Variants in ITPA observed in about 807,000 individuals in gnomAD.
The protein encoded by ITPA is inosine triphosphate pyrophosphatase.
A neutral mutation model predicts 29.6 loss-of-function variants in ITPA; 29 were observed. The ratio of observed to expected loss-of-function variants is 0.98; its 90% CI spans 0.73 to 1.34. ITPA has a LOEUF of 1.34. Ranked by LOEUF, ITPA falls within the 40% of genes most tolerant of loss-of-function variation. The pLI, the probability that ITPA is intolerant of heterozygous loss-of-function variation, is 0.00. For synonymous variants in ITPA, 103 were observed against 99.3 expected (o/e 1.04, Z -0.22); for missense variants, 241 against 251.5 (o/e 0.96, Z 0.28).
intron 4 of ITPA, among the ~76,000 whole-genome samples, chr20:3,214,992 C>T (rs1164436345): frequency 6.6e-6 from 1 of 152,212 alleles, no homozygotes. Flanking sequence ...CCTGCCTCAG[C>T]CTCCCAAGTA....
At chr20:3,227,039 C>G (rs146456662), downstream of ITPA, among the ~76,000 whole-genome samples, 1 of 152,276 alleles carries the variant, frequency 6.6e-6, no homozygotes, top group South Asian at 2.1e-4. Flanking sequence ...GTGCTCCACA[C>G]GAAGCCTCGG....
At chr20:3,224,466 G>T (rs1443497412), downstream of ITPA, among the ~76,000 whole-genome samples, 9 of 152,236 alleles carry the variant, frequency 5.9e-5, no homozygotes, top group African/African-American at 2.2e-4. Context: ...TGTGCCCACA[G>T]GCAGCTCTGG....
intron 1 of ITPA, among the ~76,000 whole-genome samples, chr20:3,212,824 C>T (rs1252518743): frequency 6.6e-6 from 1 of 151,992 alleles, no homozygotes; most frequent in African/African-American, 2.4e-5. Context: ...TTTTCCCAAT[C>T]CATGTTCATA....
chr20:3,213,601 A>G (rs1442371320), intron 3 of ITPA, among the ~76,000 whole-genome samples: 1 of 151,976 alleles, frequency 6.6e-6, no homozygotes, highest in Non-Finnish European at 1.5e-5. Flanking sequence ...ATACACTCCC[A>G]CGTACACACA....
chr20:3,221,959 A>T, intron 7 of ITPA, 42 bp downstream of exon 7: 1 of 1,593,616 alleles, frequency 6.3e-7, no homozygotes, highest in Non-Finnish European at 8.6e-7. Context: ...TGGGGTTGGT[A>T]CAGCCATGGT....
intron 3 of ITPA, among the ~76,000 whole-genome samples, chr20:3,213,598 C>G (rs1272542927): frequency 6.6e-6 from 1 of 152,148 alleles, no homozygotes; most frequent in Non-Finnish European, 1.5e-5. Flanking sequence ...ACCATACACT[C>G]CCACGTACAC....
intron 6 of ITPA, 172 bp downstream of exon 6, chr20:3,218,804 C>A (rs1456583619): frequency 3.0e-6 from 2 of 665,064 alleles, no homozygotes; most frequent in Non-Finnish European, 5.5e-6. Context: ...TGCTGTGGAT[C>A]CTAGGAGGGT....
intron 5 of ITPA, among the ~76,000 whole-genome samples, chr20:3,218,110 G>A (rs182192235): frequency 6.6e-6 from 1 of 151,032 alleles, no homozygotes; most frequent in African/African-American, 2.4e-5. Flanking sequence ...AGTAGAGACG[G>A]GGTTTCACCG....
At position 3,222,882 on chromosome 20, in the gene ITPA, G is replaced by A. The variant is rs568980437; in HGVS notation, c.489-484G>A. Reference sequence around the variant, plus strand: ...CACACCTGGCTAGTGGCTACTGGCCGCCGTCTTGCACAGAGCAGTCTGCAG... The same window carrying A: ...CACACCTGGCTAGTGGCTACTGGCCACCGTCTTGCACAGAGCAGTCTGCAG... On this transcript the variant is annotated intron_variant, in intron 7 of 7. Transcript: ENST00000380113. Among the ~76,000 whole-genome samples, 15 of 152,340 alleles carry A rather than the reference G, an allele frequency of 9.8e-5. No homozygotes were observed. The East Asian group carries it at 1.4e-3, about 14-fold the overall frequency.
At position 3,213,332 on chromosome 20, in the gene ITPA, G is replaced by A. The variant is rs8362; in HGVS notation, c.138G>A (p.Gln46=). 0.32 allele frequency: 519,715 copies of A among 1,613,556 alleles called. 89,929 individuals carry two copies. The highest frequency in any genetic ancestry group is 0.59 in the East Asian group (26,683 of 44,848). ...TTCCCTGATAAGTGCCGGAGTACCA[G>A]GGGGAGCCGGATGAGATTTCCATAC... ...VAQKIDLPEY[Q]GEPDEISIQK... The change falls in exon 3 of 8, where the codon CAG becomes CAA. Residue 46 remains glutamine (Q), a synonymous_variant. Coordinates refer to ENST00000380113, the MANE Select transcript of ITPA (RefSeq NM_033453.4).
chr20:3,204,574 G>A (rs763116033), upstream of ITPA: 41 of 1,579,438 alleles, frequency 2.6e-5, no homozygotes, highest in Non-Finnish European at 2.5e-5. Flanking sequence ...TCAGGAAGAG[G>A]ATAAAGCCGA....
upstream of ITPA, chr20:3,204,739 G>A (rs1369512595): frequency 2.8e-6 from 3 of 1,054,824 alleles, no homozygotes; most frequent in Non-Finnish European, 4.1e-6. Context: ...CCCGCCCAGC[G>A]GCACATCACA....
intron 6 of ITPA, among the ~76,000 whole-genome samples, chr20:3,219,626 T>G (rs900310091): frequency 6.6e-6 from 1 of 151,082 alleles, no homozygotes; most frequent in Non-Finnish European, 1.5e-5. Flanking sequence ...GCACCTGTAA[T>G]CCCAGCTACT....
At position 3,209,879 on chromosome 20, in the gene ITPA, G is replaced by A. The variant is rs1423476750; in HGVS notation, c.66+262G>A. 1.3e-5 allele frequency among the ~76,000 whole-genome samples: 2 copies of A among 152,198 alleles called. No homozygotes were observed. The highest frequency in any genetic ancestry group is 2.9e-5 in the Non-Finnish European group (2 of 68,042). On this transcript the variant is annotated intron_variant, in intron 1 of 7. Transcript: ENST00000380113. This position sits in a 1 kb window ranked among gnomAD's most constrained non-coding sequence, Gnocchi z 4.6. Reference sequence around the variant, plus strand: ...GGGCTTGTGTGGTCAGCGACTGCGGGACCCGGAGGAGTAGCGGGGCTCTTA... The same window carrying A: ...GGGCTTGTGTGGTCAGCGACTGCGGAACCCGGAGGAGTAGCGGGGCTCTTA...
intron 3 of ITPA, among the ~76,000 whole-genome samples, chr20:3,213,758 T>G (rs969078208): frequency 1.3e-5 from 2 of 152,166 alleles, no homozygotes; most frequent in Non-Finnish European, 2.9e-5. Context: ...GCTCTCCCAT[T>G]GCTGTGCCTG....
intron 6 of ITPA, among the ~76,000 whole-genome samples, chr20:3,219,639 G>C (rs931821647): frequency 6.6e-6 from 1 of 151,756 alleles, no homozygotes; most frequent in African/African-American, 2.4e-5. Context: ...CAGCTACTGG[G>C]GAGGCTGAGG....
chr20:3,218,080 G>A (rs766306271), intron 5 of ITPA, among the ~76,000 whole-genome samples: 6 of 151,914 alleles, frequency 3.9e-5, no homozygotes, highest in Non-Finnish European at 8.8e-5. Flanking sequence ...ACCACGCCCG[G>A]CTAATTTTTT....
intron 6 of ITPA, among the ~76,000 whole-genome samples, chr20:3,220,306 C>T (rs2067430566): frequency 6.6e-6 from 1 of 152,052 alleles, no homozygotes; most frequent in Non-Finnish European, 1.5e-5. Context: ...GATCCGCTGG[C>T]CTCATTCTCC....
chr20:3,216,944 G>A (rs147310546), intron 5 of ITPA, among the ~76,000 whole-genome samples: 17,773 of 151,426 alleles, frequency 0.12, 1,304 homozygotes, highest in Non-Finnish European at 0.16. Context: ...GCAGTGGTGT[G>A]ATCTTGGCTC....
Sources: gnomAD v4.1 joint callset for allele counts (sites outside exome capture counted in the v4.1 genomes callset) on GRCh38, gnomAD v4.1.1 for gene constraint, Gnocchi (gnomAD v3.1) non-coding constraint, MANE v1.5 for transcripts, NCBI Gene and HGNC (gene_info 2026-07-23, HGNC 2026-07-21) for gene names.